Variants in C12orf42 observed in about 807,000 individuals in gnomAD.
C12orf42 encodes the protein chromosome 12 open reading frame 42, also known as uncharacterized protein C12orf42.
Under a neutral mutation model 21.6 loss-of-function variants are expected in C12orf42, and 25 were observed. The observed-to-expected ratio is 1.16, with a 90% CI of 0.84 to 1.62. The LOEUF is 1.62. Among genes scored for constraint, C12orf42 ranks in the 40% most tolerant of loss-of-function variants. The pLI is 0.00. For synonymous variants in C12orf42, 174 were observed against 175.0 expected, an observed-to-expected ratio of 0.99 and a Z score of 0.05; for missense variants, 483 against 459.3, an observed-to-expected ratio of 1.05 and a Z score of -0.47.
intron 4 of C12orf42, among the ~76,000 whole-genome samples, chr12:103,367,540 T>C (rs1181094331): frequency 6.6e-6 from 1 of 151,934 alleles, no homozygotes; most frequent in Non-Finnish European, 1.5e-5. Flanking sequence ...GATACAGTGA[T>C]AAGTGAAGAC....
the C12orf42 span, among the ~76,000 whole-genome samples, chr12:103,126,685 A>G: frequency 6.6e-6 from 1 of 152,258 alleles, no homozygotes; most frequent in Non-Finnish European, 1.5e-5. Context: ...AAAGGAGACA[A>G]TATTAAGAAA....
chr12:103,320,407 T>C (rs2039975056), intron 4 of C12orf42, among the ~76,000 whole-genome samples: 1 of 152,216 alleles, frequency 6.6e-6, no homozygotes, highest in African/African-American at 2.4e-5. Flanking sequence ...ATCTTCTTAA[T>C]AGTAAAGACC....
At chr12:103,103,462 C>T in the C12orf42 span, among the ~76,000 whole-genome samples, 1 of 152,192 alleles carries the variant, frequency 6.6e-6, no homozygotes, top group Admixed American at 6.5e-5. Flanking sequence ...TTGGATGTAG[C>T]ACATTGAATC....
chr12:103,458,749 C>T (rs1952483903), intron 2 of C12orf42, among the ~76,000 whole-genome samples: 2 of 152,112 alleles, frequency 1.3e-5, no homozygotes, highest in Non-Finnish European at 2.9e-5. Flanking sequence ...TGCTATAATG[C>T]TATAAACTGC....
the C12orf42 span, among the ~76,000 whole-genome samples, chr12:103,551,383 GGTA>G: frequency 6.6e-6 from 1 of 152,082 alleles, no homozygotes; most frequent in South Asian, 2.1e-4. Flanking sequence ...TGAGCATGGT[GGTA>G]CACATCTGTA....
At chr12:103,391,194 T>C (rs1333004190) in intron 3 of C12orf42, among the ~76,000 whole-genome samples, 1 of 152,152 alleles carries the variant, frequency 6.6e-6, no homozygotes, top group African/African-American at 2.4e-5. Flanking sequence ...CATTCACCTA[T>C]TGATGGCACT....
intron 2 of C12orf42, among the ~76,000 whole-genome samples, chr12:103,416,202 C>T (rs2049315425): frequency 6.8e-6 from 1 of 147,582 alleles, no homozygotes; most frequent in African/African-American, 2.5e-5. Flanking sequence ...TAAAATAATG[C>T]AAAAATTCAT....
At chr12:103,172,477 T>C in the C12orf42 span, among the ~76,000 whole-genome samples, 2 of 152,116 alleles carry the variant, frequency 1.3e-5, no homozygotes, top group Non-Finnish European at 2.9e-5. Context: ...CTTGCTGATA[T>C]ATCTCATTCC....
At chr12:103,183,240 T>C in the C12orf42 span, among the ~76,000 whole-genome samples, 1 of 152,120 alleles carries the variant, frequency 6.6e-6, no homozygotes, top group Admixed American at 6.5e-5. Flanking sequence ...TGCCACCATG[T>C]CCAGCTAATT....
At chr12:103,494,010 G>T (rs1363743707) in intron 1 of C12orf42, among the ~76,000 whole-genome samples, 2 of 152,184 alleles carry the variant, frequency 1.3e-5, no homozygotes, top group Non-Finnish European at 2.9e-5. Flanking sequence ...AAATGAGTTA[G>T]AAGTATTTGA....
rs138936310 is a variant in C12orf42 at position 103,327,569 on chromosome 12, A to G, written c.260-21224T>C. On this transcript the variant is annotated intron_variant, in intron 4 of 5. Coordinates refer to ENST00000548883, the MANE Select transcript of C12orf42 (RefSeq NM_198521.5). ...TATAGTGACATACAAATATGGAAAG[A>G]AAAAGAACCTCTAGTCTCTGTTGCT... Among the ~76,000 whole-genome samples, 618 of 152,334 alleles carry G rather than the reference A, an allele frequency of 4.1e-3. 3 individuals carry two copies. The highest frequency in any genetic ancestry group is 0.012 in the African/African-American group (519 of 41,570).
At chr12:103,168,205 C>G in the C12orf42 span, 1 of 357,850 alleles carries the variant, frequency 2.8e-6, no homozygotes, top group Non-Finnish European at 5.2e-6. Context: ...ACCAATCCAT[C>G]CAACCATACA....
chr12:103,387,899 T>C (rs2046748784), intron 3 of C12orf42, among the ~76,000 whole-genome samples: 1 of 152,186 alleles, frequency 6.6e-6, no homozygotes, highest in African/African-American at 2.4e-5. Context: ...TTCCCTTTCC[T>C]CTCTCTTTTT....
the C12orf42 span, among the ~76,000 whole-genome samples, chr12:103,219,717 T>C: frequency 1.3e-5 from 2 of 152,126 alleles, no homozygotes; most frequent in Non-Finnish European, 2.9e-5. Context: ...TGAGATACCA[T>C]CTCACACCAG....
intron 3 of C12orf42, among the ~76,000 whole-genome samples, chr12:103,379,955 T>G (rs1370160706): frequency 6.6e-6 from 1 of 152,208 alleles, no homozygotes; most frequent in African/African-American, 2.4e-5. Context: ...CAAGCGATAA[T>G]GCAGCTTAGC....
At chr12:103,154,211 A>C in the C12orf42 span, among the ~76,000 whole-genome samples, 1 of 152,100 alleles carries the variant, frequency 6.6e-6, no homozygotes, top group Admixed American at 6.6e-5. Context: ...TTGGAGAATG[A>C]GTTTCTGGTA....
At chr12:103,072,608 C>T in the C12orf42 span, among the ~76,000 whole-genome samples, 2 of 152,048 alleles carry the variant, frequency 1.3e-5, no homozygotes, top group African/African-American at 4.8e-5. Flanking sequence ...AGTGCCCCCA[C>T]CCCCGGTACA....
rs796576264 is a variant in C12orf42, at chr12:103,428,920, C to T, written c.79-27245G>A. Among the ~76,000 whole-genome samples, 19 of 152,122 alleles carry T rather than the reference C, an allele frequency of 1.2e-4. No homozygotes were observed. The East Asian group carries it at 2.9e-3, about 23-fold the overall frequency. On this transcript the variant is annotated intron_variant, in intron 2 of 5. Coordinates refer to ENST00000548883, the MANE Select transcript of C12orf42 (RefSeq NM_198521.5). ...AAGGCCTTTAATAAAATTCAACACC[C>T]CTTCATGCTAAAAACTGTCAATAAA...
the C12orf42 span, among the ~76,000 whole-genome samples, chr12:103,556,953 T>TGGAAGAA: frequency 4.4e-4 from 64 of 146,848 alleles, no homozygotes; most frequent in Non-Finnish European, 8.2e-4. Context: ...AAAAAAGGCC[T>TGGAAGAA]GGAAGAAGCA....
Sources: allele counts gnomAD v4.1 joint callset (sites outside exome capture counted in the v4.1 genomes callset), GRCh38; gene constraint gnomAD v4.1.1; transcripts MANE v1.5; gene names NCBI Gene and HGNC (gene_info 2026-07-23, HGNC 2026-07-21).